DENND1A: variants seen among roughly 807,000 people sequenced by gnomAD.
The protein encoded by DENND1A is DENN domain containing 1A.
A neutral mutation model predicts 113.7 loss-of-function variants in DENND1A; 51 were observed. The ratio of observed to expected loss-of-function variants is 0.45; its 90% CI spans 0.36 to 0.57. DENND1A has a LOEUF of 0.57. Ranked by LOEUF, DENND1A falls within the 20% of genes least tolerant of loss-of-function variation. The probability of loss-of-function intolerance (pLI) is 0.00; values close to 1 mark genes in which losing one functional copy is unlikely to be tolerated. For synonymous variants in DENND1A, 565 were observed against 570.8 expected (o/e 0.99, Z 0.14); for missense variants, 1,258 against 1,395.9 (o/e 0.90, Z 1.57).
chr9:123,819,717 T>C (rs1267042991), intron 2 of DENND1A, among the ~76,000 whole-genome samples: 1 of 152,064 alleles, frequency 6.6e-6, no homozygotes, highest in Non-Finnish European at 1.5e-5. Flanking sequence ...TTTGTATTTT[T>C]AGTAGAGACA....
intron 16 of DENND1A, among the ~76,000 whole-genome samples, chr9:123,454,276 G>C (rs569118166): frequency 6.6e-6 from 1 of 152,180 alleles, no homozygotes; most frequent in African/African-American, 2.4e-5. Context: ...CTTTAGAGAC[G>C]TTGGAAGCCC....
At chr9:123,418,947 C>G (rs2044989268) in intron 19 of DENND1A, among the ~76,000 whole-genome samples, 1 of 152,240 alleles carries the variant, frequency 6.6e-6, no homozygotes, top group South Asian at 2.1e-4. Flanking sequence ...CGTGGATTCA[C>G]TCAGTCCCCA....
At chr9:123,634,453 C>A (rs569291144) in intron 9 of DENND1A, among the ~76,000 whole-genome samples, 40 of 152,176 alleles carry the variant, frequency 2.6e-4, no homozygotes, top group Non-Finnish European at 7.3e-5. Flanking sequence ...TATACTCAAT[C>A]AGAAATAATG....
At chr9:123,797,206 A>G (rs1446229464) in intron 2 of DENND1A, among the ~76,000 whole-genome samples, 2 of 152,182 alleles carry the variant, frequency 1.3e-5, no homozygotes, top group Non-Finnish European at 2.9e-5. Context: ...TATACACCAT[A>G]TAATCTCATT....
At chr9:123,879,158 A>G (rs888988456) in intron 1 of DENND1A, 137 bp from the exon 2 acceptor site, 5 of 757,304 alleles carry the variant, frequency 6.6e-6, no homozygotes, top group Non-Finnish European at 1.1e-5. Context: ...TGGACAAGCT[A>G]CACTATTTCT....
At chr9:123,436,362 C>T (rs144640296) in intron 19 of DENND1A, among the ~76,000 whole-genome samples, 64 of 152,330 alleles carry the variant, frequency 4.2e-4, no homozygotes, top group African/African-American at 1.4e-3. Flanking sequence ...CCACTTATCT[C>T]GAGTGGAGAA....
chr9:123,411,571 G>C (rs2044311762), intron 20 of DENND1A: 1 of 169,540 alleles, frequency 5.9e-6, no homozygotes, highest in Non-Finnish European at 1.2e-5. Context: ...TGATCTGCAA[G>C]TCACCAAACT....
At chr9:123,596,790 C>T (rs1287786381) in intron 11 of DENND1A, among the ~76,000 whole-genome samples, 2 of 152,228 alleles carry the variant, frequency 1.3e-5, no homozygotes, top group Non-Finnish European at 2.9e-5. Flanking sequence ...TAAACTGCTT[C>T]ATGCAATGAA....
intron 20 of DENND1A, among the ~76,000 whole-genome samples, chr9:123,409,953 A>C (rs541665834): frequency 1.3e-5 from 2 of 152,278 alleles, no homozygotes; most frequent in East Asian, 1.9e-4. Context: ...TTAGCCGTGC[A>C]TGGTGGCGGG....
chr9:123,398,734 C>A (rs1430195481), intron 21 of DENND1A, among the ~76,000 whole-genome samples: 1 of 151,194 alleles, frequency 6.6e-6, no homozygotes, highest in Non-Finnish European at 1.5e-5. Context: ...ACCTGGCAGA[C>A]CAAAAGGAAG....
chr9:123,834,570 T>C, intron 2 of DENND1A, among the ~76,000 whole-genome samples: 1 of 152,182 alleles, frequency 6.6e-6, no homozygotes, highest in East Asian at 1.9e-4. Context: ...AGAACACGTA[T>C]ATATATGCTT....
At chr9:123,716,821 T>A (rs1459404467) in intron 5 of DENND1A, among the ~76,000 whole-genome samples, 1 of 152,206 alleles carries the variant, frequency 6.6e-6, no homozygotes, top group Admixed American at 6.5e-5. Flanking sequence ...GAGTATCACG[T>A]ACATGCTTGA....
chr9:123,911,762 C>T (rs1854018747), intron 1 of DENND1A, among the ~76,000 whole-genome samples: 1 of 151,414 alleles, frequency 6.6e-6, no homozygotes, highest in Admixed American at 6.6e-5. Context: ...GCGATCTTGG[C>T]TCACTGCAAG....
intron 13 of DENND1A, among the ~76,000 whole-genome samples, chr9:123,522,797 G>T (rs1174933000): frequency 2.6e-5 from 4 of 152,178 alleles, no homozygotes; most frequent in Non-Finnish European, 5.9e-5. Flanking sequence ...TACTATATCT[G>T]CATTGGAAAC....
intron 9 of DENND1A, among the ~76,000 whole-genome samples, chr9:123,645,826 C>T (rs745874946): frequency 6.6e-5 from 10 of 152,262 alleles, no homozygotes; most frequent in Non-Finnish European, 1.5e-4. Flanking sequence ...GAAGTAATCA[C>T]ATTCAACACA....
At chr9:123,417,859 T>G in intron 19 of DENND1A, among the ~76,000 whole-genome samples, 1 of 147,020 alleles carries the variant, frequency 6.8e-6, no homozygotes, top group Non-Finnish European at 1.5e-5. Flanking sequence ...ATGCATGGGG[T>G]ACACAGGAAG....
At chr9:123,743,949 T>A (rs2069242958) in intron 5 of DENND1A, among the ~76,000 whole-genome samples, 1 of 152,152 alleles carries the variant, frequency 6.6e-6, no homozygotes, top group African/African-American at 2.4e-5. Context: ...TTCACAAACT[T>A]AGTGGGGAAA....
chr9:123,689,727 T>C (rs1186800647), intron 5 of DENND1A, among the ~76,000 whole-genome samples: 1 of 152,080 alleles, frequency 6.6e-6, no homozygotes, highest in Non-Finnish European at 1.5e-5. Context: ...CCCAGCACTT[T>C]CAGAAGCCAA....
intron 19 of DENND1A, among the ~76,000 whole-genome samples, chr9:123,415,420 C>A (rs1288999309): frequency 6.6e-6 from 1 of 152,150 alleles, no homozygotes; most frequent in Admixed American, 6.5e-5. Context: ...GCATTGAAGA[C>A]CCTCCACCCT....
Sources: gnomAD v4.1 joint callset for allele counts (sites outside exome capture counted in the v4.1 genomes callset) on GRCh38, gnomAD v4.1.1 for gene constraint, MANE v1.5 for transcripts, NCBI Gene and HGNC (gene_info 2026-07-23, HGNC 2026-07-21) for gene names.